Variants in COL4A3 observed in about 807,000 individuals in gnomAD.
The protein encoded by COL4A3 is collagen type IV alpha 3 chain.
Under a neutral mutation model 217.4 loss-of-function variants are expected in COL4A3, and 135 were observed. The ratio of observed to expected loss-of-function variants is 0.62; its 90% CI spans 0.54 to 0.72. COL4A3 has a LOEUF of 0.72. COL4A3 is among the 30% of genes least tolerant of loss of function. COL4A3 has a pLI of 0.00. For missense variants in COL4A3, 1,868 were observed against 2,119.9 expected, an observed-to-expected ratio of 0.88 and a Z score of 2.33; for synonymous variants, 690 against 736.3, an observed-to-expected ratio of 0.94 and a Z score of 1.02.
chr2:227,290,140 TC>T, intron 36 of COL4A3, 52 bp downstream of exon 36: 1 of 1,527,332 alleles, frequency 6.5e-7, no homozygotes, highest in Non-Finnish European at 9.1e-7. Flanking sequence ...GGGTGAGGAC[TC>T]CAGATTTTCT....
In COL4A3 at chr2:227,211,104, G is replaced by A. The variant is rs145559143; in HGVS notation, c.88-26864G>A. On this transcript the variant is annotated intron_variant, in intron 1 of 51. Coordinates refer to ENST00000396578, the MANE Select transcript of COL4A3 (RefSeq NM_000091.5). ...CAACCTCCGCCTCCCAGGTTCAAGC[G>A]ATTCTCCTGCCTCAGCCTCCTGAGT... is the stretch of plus-strand genomic sequence containing the variant. Among the ~76,000 whole-genome samples the A allele has an allele frequency of 4.9e-3, 742 of 151,906 alleles. 3 individuals are homozygous for A. Among genetic ancestry groups the A allele is most frequent in the African/African-American group, 0.017 (703 of 41,420 alleles).
Position 227,305,009 on chromosome 2 carries a change from C to T in COL4A3, c.4178C>T (p.Pro1393Leu), listed in dbSNP as rs370516752. 1 of 1,613,916 alleles carries T rather than the reference C, an allele frequency of 6.2e-7. No individual in the cohort carries two copies. The highest frequency in any genetic ancestry group is 8.5e-7 in the Non-Finnish European group (1 of 1,179,920). The part of the protein sequence containing the change: ...NLGPCGPRGK[P>L]GKDGKPGTPG... The stretch of plus-strand genomic sequence containing the variant: ...GGACCCTGTGGGCCAAGAGGTAAGC[C>T]AGGCAAGGATGGAAAACCAGGAACT... The change falls in exon 47 of 52, where the codon CCA (proline) becomes CTA (leucine). Residue 1393 changes from proline (P) to leucine (L), a missense_variant. Physicochemically the swap from Pro to Leu is moderately conservative, Grantham distance 98. Around this residue, in one of 2 missense-constraint regions of COL4A3, gnomAD observed 1,503 missense variants for 1,786.1 expected, o/e 0.84. Coordinates refer to ENST00000396578, the MANE Select transcript of COL4A3 (RefSeq NM_000091.5).
chr2:227,196,909 G>C (rs2066502313), intron 1 of COL4A3, among the ~76,000 whole-genome samples: 1 of 152,008 alleles, frequency 6.6e-6, no homozygotes, highest in South Asian at 2.1e-4. Context: ...GAATTGTGTA[G>C]CTCCTCCCAT....
intron 35 of COL4A3, among the ~76,000 whole-genome samples, chr2:227,289,773 T>A (rs1449831803): frequency 1.3e-5 from 2 of 152,152 alleles, no homozygotes; most frequent in African/African-American, 2.4e-5. Context: ...ATGATTTTAG[T>A]GTTTGAAACC....
chr2:227,181,822 A>G (rs2065875534), intron 1 of COL4A3, among the ~76,000 whole-genome samples: 1 of 152,172 alleles, frequency 6.6e-6, no homozygotes, highest in Non-Finnish European at 1.5e-5. Flanking sequence ...TTTTTTAATG[A>G]CGGACATATA....
intron 29 of COL4A3, 105 bp from the exon 30 acceptor site, chr2:227,280,335 T>C (rs1225363058): frequency 5.6e-6 from 7 of 1,254,636 alleles, no homozygotes; most frequent in African/African-American, 1.5e-5. Flanking sequence ...GTTGATGACA[T>C]GGTAGTGGCT....
intron 41 of COL4A3, 55 bp from the exon 42 acceptor site, chr2:227,297,618 AC>A: frequency 6.5e-7 from 1 of 1,527,756 alleles, no homozygotes; most frequent in Non-Finnish European, 8.9e-7. Flanking sequence ...ATAGTCAAGA[AC>A]TCTAACCCAA....
rs1443717801 is a variant in COL4A3 at position 227,297,849 on chromosome 2, A to T, written c.3741A>T (p.Arg1247Ser). ...GAAATCGTGGTCCACCAGGCTCAAG[A>T]GGAAGCCCAGGTAAAGGGTTTACTT... ...QTGNRGPPGS[R>S]GSPGAPGPPG... Residue 1247 changes from arginine to serine, a missense_variant, in exon 42 of 52, where the codon AGA (arginine) becomes AGT (serine). Arg to Ser is a moderately radical substitution (Grantham distance 110). Transcript: ENST00000396578. 1 of 1,558,290 alleles carries T rather than the reference A, an allele frequency of 6.4e-7. No individual in the cohort carries two copies. Among genetic ancestry groups the T allele is most frequent in the South Asian group, 1.2e-5 (1 of 84,514 alleles).
intron 1 of COL4A3, among the ~76,000 whole-genome samples, chr2:227,203,789 A>G (rs555433376): frequency 0.016 from 2,313 of 147,796 alleles, 254 homozygotes; most frequent in Non-Finnish European, 0.026. Context: ...ATATGTGTGT[A>G]TATATATACA....
Position 227,312,836 on chromosome 2 carries a change from C to G in COL4A3, c.*966C>G, listed in dbSNP as rs2073790574. ...TTAAGGCATTTGTTGGTTTATCAGA[C>G]TCGGAATCTATTTTCTCATTGCTCT... is the stretch of plus-strand genomic sequence containing the variant. On this transcript the variant is annotated 3_prime_UTR_variant, in exon 52 of 52. Coordinates refer to ENST00000396578, the MANE Select transcript of COL4A3 (RefSeq NM_000091.5). 6.6e-6 allele frequency: 1 copy of G among 152,228 alleles called. No homozygotes were observed. The highest frequency in any genetic ancestry group is 1.5e-5 in the Non-Finnish European group (1 of 67,994). The allele number at this position is 152,228 out of a possible 1,614,324, so 9.4% of individuals were successfully genotyped here. A position where few individuals can be genotyped will look rare whatever the true frequency, so the allele number is the denominator to read the frequency against.
intron 1 of COL4A3, among the ~76,000 whole-genome samples, chr2:227,229,968 G>A (rs1025772802): frequency 2.0e-5 from 3 of 151,528 alleles, no homozygotes; most frequent in East Asian, 2.0e-4. Flanking sequence ...GGAGAATGGC[G>A]TGAACTCGGG....
intron 1 of COL4A3, among the ~76,000 whole-genome samples, chr2:227,204,480 C>A (rs2067024260): frequency 6.6e-6 from 1 of 152,104 alleles, no homozygotes; most frequent in Non-Finnish European, 1.5e-5. Context: ...CTTAAACTTT[C>A]TGATGATGCT....
At chr2:227,176,676 ACAGT>A (rs2065685972) in intron 1 of COL4A3, among the ~76,000 whole-genome samples, 1 of 152,228 alleles carries the variant, frequency 6.6e-6, no homozygotes, top group African/African-American at 2.4e-5. Flanking sequence ...TGTAGACAAA[ACAGT>A]CAGGTCATTG....
Position 227,314,135 on chromosome 2 carries a change from T to C in COL4A3, c.*2265T>C, listed in dbSNP as rs888348245. On this transcript the variant is annotated 3_prime_UTR_variant, in exon 52 of 52. Transcript: ENST00000396578. The stretch of plus-strand genomic sequence containing the variant: ...TCAAACTCACAGGTGACTCTAAGGT[T>C]ATCTACTTTTACTCATAAGTAAAAG... 6.6e-6 allele frequency: 1 copy of C among 152,638 alleles called. No individual in the cohort carries two copies. The highest frequency in any genetic ancestry group is 1.5e-5 in the Non-Finnish European group (1 of 68,040). The allele number at this position is 152,638 out of a possible 1,614,324, so 9.5% of individuals were successfully genotyped here. A position where few individuals can be genotyped will look rare whatever the true frequency, so the allele number is the denominator to read the frequency against.
intron 27 of COL4A3, 57 bp downstream of exon 27, chr2:227,276,534 T>C: frequency 7.7e-7 from 1 of 1,296,188 alleles, no homozygotes; most frequent in Non-Finnish European, 1.1e-6. Context: ...ACACCCTGAC[T>C]CTCTTGGAAA....
chr2:227,170,409 C>CA (rs1036860536), intron 1 of COL4A3, among the ~76,000 whole-genome samples: 2 of 151,992 alleles, frequency 1.3e-5, no homozygotes, highest in Non-Finnish European at 2.9e-5. Context: ...TTAATGGACT[C>CA]ACAGTTCTAC....
intron 41 of COL4A3, chr2:227,296,478 TC>T: frequency 2.0e-6 from 2 of 981,014 alleles, no homozygotes; most frequent in Non-Finnish European, 2.4e-6. Flanking sequence ...TGCACCTCAA[TC>T]CCTCTAGGAT....
intron 25 of COL4A3, among the ~76,000 whole-genome samples, chr2:227,272,638 A>AT (rs1286214020): frequency 6.6e-6 from 1 of 152,234 alleles, no homozygotes; most frequent in East Asian, 1.9e-4. Flanking sequence ...CACTAAAGTC[A>AT]TTTGAACTAT....
At chr2:227,186,879 T>C (rs1241556692) in intron 1 of COL4A3, among the ~76,000 whole-genome samples, 1 of 152,124 alleles carries the variant, frequency 6.6e-6, no homozygotes. Flanking sequence ...ACTGGCAGAT[T>C]TGGTGTCTGG....
Sources: gnomAD v4.1 joint callset for allele counts (sites outside exome capture counted in the v4.1 genomes callset) on GRCh38, gnomAD v4.1.1 for gene constraint, gnomAD v4.1.1 regional missense constraint, MANE v1.5 for transcripts, NCBI Gene and HGNC (gene_info 2026-07-23, HGNC 2026-07-21) for gene names.